The following TMEM132D variants were observed in gnomAD, a reference collection of about 807,000 sequenced individuals.
TMEM132D encodes mature OL transmembrane protein.
In TMEM132D, 21 loss-of-function variants were observed where a neutral mutation model predicts 62.3. The ratio of observed to expected loss-of-function variants is 0.34; its 90% CI spans 0.24 to 0.49. The LOEUF (loss-of-function observed/expected upper bound fraction) is 0.49, where lower values mean the gene tolerates loss of function less well. TMEM132D is among the 20% of genes least tolerant of loss of function. TMEM132D has a pLI of 0.99. For missense variants in TMEM132D, 1,346 were observed against 1,402.8 expected (o/e 0.96, Z 0.65); for synonymous variants, 621 against 575.6 (o/e 1.08, Z -1.13).
intron 3 of TMEM132D, among the ~76,000 whole-genome samples, chr12:129,353,020 G>C (rs10847835): frequency 0.98 from 148,775 of 152,076 alleles, 72,849 homozygotes; most frequent in Middle Eastern, 1. Context: ...CAAGATCCAA[G>C]AACCCTCTCT....
intron 4 of TMEM132D, among the ~76,000 whole-genome samples, chr12:129,299,927 A>G (rs570012038): frequency 6.6e-6 from 1 of 152,316 alleles, no homozygotes; most frequent in Non-Finnish European, 1.5e-5. Flanking sequence ...GACCTCAAGG[A>G]CTTCCCTTGT....
chr12:129,338,400 T>C lies in TMEM132D; in HGVS notation c.1116-583A>G, dbSNP rs114550065. 7.8e-3 allele frequency among the ~76,000 whole-genome samples: 1,189 copies of C among 152,294 alleles called. 10 individuals carry two copies. The highest frequency in any genetic ancestry group is 0.027 in the African/African-American group (1,127 of 41,566). ...AGATATTACGTGGAGATGGGAGTCA[T>C]TGCGACAAAGACTGGTTTCTAGACC... On this transcript the variant is annotated intron_variant, in intron 3 of 8. Coordinates refer to ENST00000422113, the MANE Select transcript of TMEM132D (RefSeq NM_133448.3).
At chr12:129,431,241 G>A (rs760308146) in intron 3 of TMEM132D, among the ~76,000 whole-genome samples, 1 of 152,182 alleles carries the variant, frequency 6.6e-6, no homozygotes, top group African/African-American at 2.4e-5. Context: ...TAACTTACTC[G>A]ACAGTTCCAG....
chr12:129,604,749 G>C (rs889357670), intron 2 of TMEM132D, among the ~76,000 whole-genome samples: 1 of 152,220 alleles, frequency 6.6e-6, no homozygotes, highest in Admixed American at 6.5e-5. Context: ...ACTGAAGCAT[G>C]AGATTTAATT....
rs1017344116 is a variant in TMEM132D, at chr12:129,454,711, C to T, written c.1115+76348G>A. On this transcript the variant is annotated intron_variant, in intron 3 of 8. Transcript: ENST00000422113. ...TAGCTGTTGCAGGAACCAAGGACAG[C>T]GGGGTCTACAAAAGAACTGATTCCA... is the stretch of plus-strand genomic sequence containing the variant. Among the ~76,000 whole-genome samples, 8 of 152,314 alleles carry T rather than the reference C, an allele frequency of 5.3e-5. No individual in the cohort carries two copies. In the South Asian group the frequency reaches 1.0e-3, roughly 20 times the overall value.
At chr12:129,261,113 A>C (rs56982214) in intron 4 of TMEM132D, among the ~76,000 whole-genome samples, 3,012 of 152,248 alleles carry the variant, frequency 0.02, 107 homozygotes, top group African/African-American at 0.069. Flanking sequence ...GGTTGTGCTA[A>C]CTTACATTCC....
intron 2 of TMEM132D, among the ~76,000 whole-genome samples, chr12:129,569,876 T>C (rs1030869984): frequency 5.9e-5 from 9 of 152,070 alleles, no homozygotes; most frequent in Non-Finnish European, 1.0e-4. Flanking sequence ...GGTTTGGTGG[T>C]GGGTGGATGG....
chr12:129,569,695 T>G (rs1877458965), intron 2 of TMEM132D, among the ~76,000 whole-genome samples: 1 of 152,176 alleles, frequency 6.6e-6, no homozygotes, highest in African/African-American at 2.4e-5. Context: ...CCCTCAACGC[T>G]GACCCTGCAG....
At chr12:129,562,767 C>T (rs888047845) in intron 2 of TMEM132D, among the ~76,000 whole-genome samples, 1 of 152,178 alleles carries the variant, frequency 6.6e-6, no homozygotes, top group African/African-American at 2.4e-5. Context: ...AGGGCCCTTG[C>T]TCATGCTATT....
chr12:129,653,285 C>G (rs1879979405), intron 2 of TMEM132D, among the ~76,000 whole-genome samples: 1 of 152,124 alleles, frequency 6.6e-6, no homozygotes, highest in African/African-American at 2.4e-5. Context: ...CATGCCAGGT[C>G]AACATCATCA....
intron 3 of TMEM132D, among the ~76,000 whole-genome samples, chr12:129,465,685 C>T (rs907124029): frequency 6.6e-6 from 1 of 152,084 alleles, no homozygotes; most frequent in Non-Finnish European, 1.5e-5. Context: ...CATGAGTGAA[C>T]TCCTTATTTT....
At chr12:129,356,519 C>A (rs1870054517) in intron 3 of TMEM132D, among the ~76,000 whole-genome samples, 1 of 151,334 alleles carries the variant, frequency 6.6e-6, no homozygotes, top group African/African-American at 2.4e-5. Flanking sequence ...AAGCTTCTGG[C>A]AATAAATAAG....
intron 1 of TMEM132D, among the ~76,000 whole-genome samples, chr12:129,890,864 C>T (rs1874900650): frequency 6.6e-6 from 1 of 152,148 alleles, no homozygotes; most frequent in African/African-American, 2.4e-5. Context: ...CCTTATACCT[C>T]TGATGTTTCC....
chr12:129,338,022 G>A (rs1484772228), intron 3 of TMEM132D, among the ~76,000 whole-genome samples: 1 of 152,260 alleles, frequency 6.6e-6, no homozygotes, highest in Non-Finnish European at 1.5e-5. Context: ...CCTGGGCTTA[G>A]ATACTGTCAC....
Position 129,903,125 on chromosome 12 carries a change from A to G in TMEM132D, c.79+136T>C. On this transcript the variant is annotated intron_variant, in intron 1 of 8. Transcript: ENST00000422113. This position sits in a 1 kb window ranked among gnomAD's most constrained non-coding sequence, Gnocchi z 6.2. ...CGAGCGCACGTTCACACGCGCGCAC[A>G]CACACATGCACACAAGCGCGCACAC... 2.2e-6 allele frequency: 2 copies of G among 914,026 alleles called. No individual in the cohort carries two copies. The highest frequency in any genetic ancestry group is 2.7e-5 in the East Asian group (1 of 36,692). 56.6% of individuals were successfully genotyped at this position (914,026 alleles called of 1,614,324 possible).
At chr12:129,469,680 T>C (rs1874036726) in intron 3 of TMEM132D, among the ~76,000 whole-genome samples, 1 of 152,194 alleles carries the variant, frequency 6.6e-6, no homozygotes, top group African/African-American at 2.4e-5. Flanking sequence ...CACTCTGGTG[T>C]GGCACTCCCT....
At chr12:129,252,141 A>T (rs1880284664) in intron 4 of TMEM132D, among the ~76,000 whole-genome samples, 7 of 152,202 alleles carry the variant, frequency 4.6e-5, no homozygotes. Flanking sequence ...AGTAGTTAAG[A>T]TCCTTTCTGG....
intron 3 of TMEM132D, among the ~76,000 whole-genome samples, chr12:129,519,349 C>A (rs1875779984): frequency 6.6e-6 from 1 of 152,144 alleles, no homozygotes; most frequent in Admixed American, 6.6e-5. Context: ...AAAATGTACC[C>A]TGCCCTGAAC....
intron 2 of TMEM132D, among the ~76,000 whole-genome samples, chr12:129,598,047 A>C (rs1878385218): frequency 6.6e-6 from 1 of 152,108 alleles, no homozygotes; most frequent in African/African-American, 2.4e-5. Flanking sequence ...ATACTTGCAA[A>C]AACAACAACA....
Sources: allele counts gnomAD v4.1 joint callset (sites outside exome capture counted in the v4.1 genomes callset), GRCh38; gene constraint gnomAD v4.1.1; non-coding constraint Gnocchi (gnomAD v3.1); transcripts MANE v1.5; gene names NCBI Gene and HGNC (gene_info 2026-07-23, HGNC 2026-07-21).